The following ERG variants were observed in gnomAD, a reference collection of about 807,000 sequenced individuals.
ERG encodes the protein ETS transcription factor ERG.
ERG carries 9 observed loss-of-function variants against 55.3 expected under a neutral mutation model. The ratio of observed to expected loss-of-function variants is 0.16; its 90% CI spans 0.10 to 0.28. ERG has a LOEUF of 0.28. ERG is among the 10% of genes least tolerant of loss of function. The pLI is 1.00. For missense variants in ERG, 434 were observed against 631.6 expected (o/e 0.69, Z 3.35); for synonymous variants, 223 against 237.3 (o/e 0.94, Z 0.55).
At chr21:38,399,524 A>G (rs1000121142) in intron 6 of ERG, among the ~76,000 whole-genome samples, 2 of 152,228 alleles carry the variant, frequency 1.3e-5, no homozygotes, top group African/African-American at 4.8e-5. Flanking sequence ...CCTGAACACA[A>G]TGTCATCAGC....
chr21:38,388,765 T>C (rs1987825826), intron 9 of ERG, among the ~76,000 whole-genome samples: 1 of 152,176 alleles, frequency 6.6e-6, no homozygotes, highest in Non-Finnish European at 1.5e-5. Flanking sequence ...ACAGTCCTCC[T>C]TCCCCAGGCC....
chr21:38,578,449 C>T (rs1381425989), intron 1 of ERG, among the ~76,000 whole-genome samples: 3 of 152,194 alleles, frequency 2.0e-5, no homozygotes, highest in Non-Finnish European at 2.9e-5. Context: ...GGTAGAATTA[C>T]TTCCCAACCC....
intron 2 of ERG, among the ~76,000 whole-genome samples, chr21:38,540,119 C>T (rs1167351314): frequency 6.6e-6 from 1 of 152,060 alleles, no homozygotes; most frequent in East Asian, 1.9e-4. Context: ...TGGTCTCAAA[C>T]TCCCGACCTC....
intron 2 of ERG, among the ~76,000 whole-genome samples, chr21:38,548,700 A>G (rs1292987433): frequency 7.0e-6 from 1 of 142,676 alleles, no homozygotes; most frequent in African/African-American, 2.6e-5. Context: ...TCCTGACCTC[A>G]TGATCTGCCA....
the ERG span, among the ~76,000 whole-genome samples, chr21:38,367,463 G>A: frequency 6.6e-6 from 1 of 152,108 alleles, no homozygotes; most frequent in Non-Finnish European, 1.5e-5. Flanking sequence ...TTTGACAGGA[G>A]GCTTCATTTC....
At chr21:38,634,034 A>G (rs1348163473) in intron 1 of ERG, among the ~76,000 whole-genome samples, 2 of 152,230 alleles carry the variant, frequency 1.3e-5, no homozygotes, top group East Asian at 3.8e-4. Flanking sequence ...GAACATTGAT[A>G]AAAAATAATA....
rs2059549874 is a variant in ERG at position 38,516,127 on chromosome 21, A to G, written c.-41+59535T>C. ...TATTCAATATAGGACTGGAAGTCTTAGCCAGAGCAATCAGGCAAGAGAAAG... is the reference window on the plus strand; with the variant it reads ...TATTCAATATAGGACTGGAAGTCTTGGCCAGAGCAATCAGGCAAGAGAAAG... On this transcript the variant is annotated intron_variant, in intron 2 of 8. Transcript: ENST00000398897. 2.6e-5 allele frequency among the ~76,000 whole-genome samples: 4 copies of G among 152,072 alleles called. No individual in the cohort carries two copies. In the South Asian group the frequency reaches 8.3e-4, roughly 31 times the overall value.
chr21:38,446,714 G>A (rs942218681), intron 1 of ERG, among the ~76,000 whole-genome samples: 1 of 152,168 alleles, frequency 6.6e-6, no homozygotes, highest in Non-Finnish European at 1.5e-5. Flanking sequence ...GAACTTTGGA[G>A]GCAGAGCAGG....
chr21:38,391,576 C>T lies in ERG; in HGVS notation c.871+83G>A, dbSNP rs117487564. ...AGAGGCAAACAATCATGTTAATTTC[C>T]ATTAAAAAGTGAAGCATTTTAGAAA... is the stretch of plus-strand genomic sequence containing the variant. On this transcript the variant is annotated intron_variant, in intron 8 of 9. Transcript: ENST00000288319. The T allele has an allele frequency of 6.9e-3, 7,893 of 1,145,686 alleles. 33 individuals are homozygous for T. Among genetic ancestry groups the T allele is most frequent in the Non-Finnish European group, 9.1e-3 (7,039 of 777,722 alleles). 71.0% of individuals were successfully genotyped at this position (1,145,686 alleles called of 1,614,324 possible).
chr21:38,557,745 C>T (rs1022287398), intron 2 of ERG, among the ~76,000 whole-genome samples: 7 of 151,980 alleles, frequency 4.6e-5, no homozygotes, highest in Admixed American at 1.3e-4. Flanking sequence ...TGGATGATTT[C>T]CCTGGATTTC....
chr21:38,376,626 C>T (rs1172294163), downstream of ERG, among the ~76,000 whole-genome samples: 1 of 152,254 alleles, frequency 6.6e-6, no homozygotes. Context: ...GCCATTTATT[C>T]TCCTGGAGGC....
chr21:38,373,446 C>G, the ERG span, among the ~76,000 whole-genome samples: 1 of 152,172 alleles, frequency 6.6e-6, no homozygotes. Context: ...AGGCATATTT[C>G]CCTCCACAGA....
At chr21:38,518,095 A>C (rs188564319) in intron 2 of ERG, among the ~76,000 whole-genome samples, 1 of 152,308 alleles carries the variant, frequency 6.6e-6, no homozygotes, top group Non-Finnish European at 1.5e-5. Flanking sequence ...AATCAGCTAG[A>C]AAAGAGGACT....
At chr21:38,480,591 C>CTTTGTTTTTT (rs2059228980) in intron 1 of ERG, among the ~76,000 whole-genome samples, 1 of 51,112 alleles carries the variant, frequency 2.0e-5, no homozygotes, top group African/African-American at 7.8e-5. Flanking sequence ...ACTATATGGC[C>CTTTGTTTTTT]TTTTTTTTTT....
At chr21:38,404,873 G>A (rs1227763297) in intron 3 of ERG, among the ~76,000 whole-genome samples, 1 of 152,202 alleles carries the variant, frequency 6.6e-6, no homozygotes, top group African/African-American at 2.4e-5. Context: ...GGCTACTCAA[G>A]AATGGAGCAT....
chr21:38,388,134 T>C (rs1987789804), intron 9 of ERG, among the ~76,000 whole-genome samples: 1 of 152,248 alleles, frequency 6.6e-6, no homozygotes, highest in Non-Finnish European at 1.5e-5. Context: ...CAGGATGTAT[T>C]TTCATGTGCA....
the ERG span, among the ~76,000 whole-genome samples, chr21:38,374,536 T>C: frequency 1.2e-4 from 19 of 152,304 alleles, no homozygotes; most frequent in African/African-American, 4.1e-4. Context: ...TACTTTAATA[T>C]ATTTAACTAA....
intron 2 of ERG, among the ~76,000 whole-genome samples, chr21:38,543,897 T>C (rs544724830): frequency 7.9e-5 from 12 of 152,154 alleles, no homozygotes; most frequent in African/African-American, 2.7e-4. Context: ...CCACCATGCC[T>C]AGCTAATTTT....
At chr21:38,654,208 T>C (rs908688193) in intron 1 of ERG, among the ~76,000 whole-genome samples, 8 of 152,276 alleles carry the variant, frequency 5.3e-5, no homozygotes, top group African/African-American at 1.9e-4. Context: ...CTGGGCGCAG[T>C]GGCTCACGCC....
Sources: gnomAD v4.1 joint callset for allele counts (sites outside exome capture counted in the v4.1 genomes callset) on GRCh38, gnomAD v4.1.1 for gene constraint, MANE v1.5 for transcripts, NCBI Gene and HGNC (gene_info 2026-07-23, HGNC 2026-07-21) for gene names.